USP43: variants seen among roughly 807,000 people sequenced by gnomAD.
The protein encoded by USP43 is ubiquitin specific peptidase 43.
USP43 carries 33 observed loss-of-function variants against 90.7 expected under a neutral mutation model. The ratio of observed to expected loss-of-function variants is 0.36; its 90% CI spans 0.28 to 0.49. The LOEUF is 0.49. Among genes scored for constraint, USP43 ranks in the 20% least tolerant of loss-of-function variants. The pLI, the probability that USP43 is intolerant of heterozygous loss-of-function variation, is 0.98. For missense variants in USP43, 1,274 were observed against 1,476.4 expected (o/e 0.86, Z 2.25); for synonymous variants, 598 against 615.8 (o/e 0.97, Z 0.43).
intron 8 of USP43, among the ~76,000 whole-genome samples, chr17:9,690,839 C>T (rs1391218111): frequency 3.9e-5 from 6 of 152,138 alleles, no homozygotes; most frequent in South Asian, 2.1e-4. Flanking sequence ...GAGCCGAGAT[C>T]GCACCACTGC....
At chr17:9,684,704 G>A (rs192989298) in intron 7 of USP43, among the ~76,000 whole-genome samples, 88 of 150,094 alleles carry the variant, frequency 5.9e-4, no homozygotes, top group Admixed American at 4.8e-3. Flanking sequence ...CGGAGGTTGC[G>A]GTGAGCCGAG....
intron 5 of USP43, among the ~76,000 whole-genome samples, chr17:9,679,968 T>G (rs2073307791): frequency 6.6e-6 from 1 of 152,172 alleles, no homozygotes. Flanking sequence ...GGGCTTTATT[T>G]TGTTGTCATT....
intron 14 of USP43, 143 bp downstream of exon 14, chr17:9,712,275 T>A (rs1296876776): frequency 4.7e-6 from 5 of 1,070,268 alleles, no homozygotes; most frequent in Non-Finnish European, 6.2e-6. Context: ...TTAAATGGGG[T>A]CTTCTATGAC....
rs189602454 is a variant in USP43 at position 9,702,298 on chromosome 17, C to A, written c.2011+598C>A. On this transcript the variant is annotated intron_variant, in intron 12 of 14. Coordinates refer to ENST00000285199, the MANE Select transcript of USP43 (RefSeq NM_153210.5). ...ATAGGAGGCTGAGGCCGTGGTGAAC[C>A]ATGATTGCACCACTGTACTCCAGCC... 3.5e-3 allele frequency among the ~76,000 whole-genome samples: 535 copies of A among 152,272 alleles called. 2 individuals are homozygous for A. Among genetic ancestry groups the A allele is most frequent in the African/African-American group, 0.012 (489 of 41,548 alleles).
In USP43 at chr17:9,646,157, G is replaced by C. The variant is rs1348623053; in HGVS notation, c.504+21G>C. 2.1e-6 allele frequency: 3 copies of C among 1,407,612 alleles called. No homozygotes were observed. In the African/African-American group the frequency reaches 4.6e-5, roughly 21 times the overall value. 87.2% of individuals were successfully genotyped at this position (1,407,612 alleles called of 1,614,324 possible). On this transcript the variant is annotated intron_variant, in intron 1 of 14. Coordinates refer to ENST00000285199, the MANE Select transcript of USP43 (RefSeq NM_153210.5). ...TCAAGGTAGGCAGCGCTGCGCCGCCGACCGCCCTGTCCCCCTGGTTTCGCC... is the reference window on the plus strand; with the variant it reads ...TCAAGGTAGGCAGCGCTGCGCCGCCCACCGCCCTGTCCCCCTGGTTTCGCC...
chr17:9,670,185 T>A (rs1040851374), intron 3 of USP43, among the ~76,000 whole-genome samples: 8 of 151,942 alleles, frequency 5.3e-5, no homozygotes, highest in African/African-American at 1.9e-4. Flanking sequence ...ACTACAGGCG[T>A]GTGCCACCAT....
In USP43 at chr17:9,646,034, C is replaced by T; in HGVS notation, c.402C>T (p.Tyr134=). ...CCGAGTTCCTGGCGCTGGGGCGCTA[C>T]CGGGCGGCTCCGGGCCGCGCCGAGG... ...LLAEFLALGR[Y]RAAPGRAEVT... The change falls in exon 1 of 15, where the codon TAC becomes TAT. Residue 134 remains tyrosine (Y), a synonymous_variant. Transcript: ENST00000285199. 1 of 1,490,454 alleles carries T rather than the reference C, an allele frequency of 6.7e-7. No individual in the cohort carries two copies. The highest frequency in any genetic ancestry group is 8.9e-7 in the Non-Finnish European group (1 of 1,122,048). 92.3% of individuals were successfully genotyped at this position (1,490,454 alleles called of 1,614,324 possible).
chr17:9,705,560 G>T (rs1287087688), intron 12 of USP43, among the ~76,000 whole-genome samples: 1 of 151,788 alleles, frequency 6.6e-6, no homozygotes, highest in Non-Finnish European at 1.5e-5. Context: ...TTCAAGACCA[G>T]CCTGGCCAAC....
chr17:9,701,134 C>T lies in USP43; in HGVS notation c.1551C>T (p.Leu517=), dbSNP rs370911480. The change falls in exon 11 of 15, where the codon CTC becomes CTT. Residue 517 remains leucine, a synonymous_variant. Coordinates refer to ENST00000285199, the MANE Select transcript of USP43 (RefSeq NM_153210.5). This position sits in a 1 kb window ranked among gnomAD's most constrained non-coding sequence, Gnocchi z 7.2. ...CTCCGTGCAGCCTGTTCGGGAGCCTCCAGGAGGAGCGAGCGCAGGATGCCG... is the reference window on the plus strand; with the variant it reads ...CTCCGTGCAGCCTGTTCGGGAGCCTTCAGGAGGAGCGAGCGCAGGATGCCG... ...SSVKERLFGS[L]QEERAQDADS... 66 of 1,484,084 alleles carry T rather than the reference C, an allele frequency of 4.4e-5. No individual in the cohort carries two copies. Among genetic ancestry groups the T allele is most frequent in the Middle Eastern group, 1.8e-4 (1 of 5,624 alleles). The allele number at this position is 1,484,084 out of a possible 1,614,324, so 91.9% of individuals were successfully genotyped here.
At chr17:9,653,432 T>A (rs1446435977) in intron 1 of USP43, among the ~76,000 whole-genome samples, 1 of 151,772 alleles carries the variant, frequency 6.6e-6, no homozygotes, top group Non-Finnish European at 1.5e-5. Context: ...TACTAAAAAT[T>A]CAAAAATTAG....
rs1489063798 is a variant in USP43 at position 9,673,104 on chromosome 17, TA to T, written c.741-1786del. 2.6e-5 allele frequency among the ~76,000 whole-genome samples: 4 copies of T among 152,342 alleles called. No homozygotes were observed. The South Asian group carries it at 8.3e-4, about 32-fold the overall frequency. On this transcript the variant is annotated intron_variant, in intron 3 of 14. Coordinates refer to ENST00000285199, the MANE Select transcript of USP43 (RefSeq NM_153210.5). ...TTCTGTGTCCTCAGCGAAGTTAATGTAGATTTTAGGATTAGTAACATAGCAT... is the reference window on the plus strand; with the variant it reads ...TTCTGTGTCCTCAGCGAAGTTAATGTGATTTTAGGATTAGTAACATAGCAT...
chr17:9,716,589 G>A (rs1318602910), intron 14 of USP43, among the ~76,000 whole-genome samples: 1 of 152,170 alleles, frequency 6.6e-6, no homozygotes, highest in Non-Finnish European at 1.5e-5. Flanking sequence ...AAGAGGGGGT[G>A]CAGGGTGAGG....
intron 3 of USP43, among the ~76,000 whole-genome samples, chr17:9,669,002 A>AT (rs763089436): frequency 5.9e-4 from 85 of 144,876 alleles, no homozygotes; most frequent in Middle Eastern, 7.2e-3. Flanking sequence ...TGCCTGGCTA[A>AT]TTTTTTTTTT....
intron 14 of USP43, among the ~76,000 whole-genome samples, chr17:9,719,604 GC>G (rs1238112256): frequency 3.9e-5 from 6 of 152,218 alleles, no homozygotes; most frequent in Non-Finnish European, 5.9e-5. Flanking sequence ...CCCTCTGGGT[GC>G]CAGGTCTTGG....
In USP43 at chr17:9,686,906, A is replaced by T. The variant is rs116247935; in HGVS notation, c.1350A>T (p.Val450=). The change falls in exon 8 of 15, where the codon GTA becomes GTT. Residue 450 remains valine (V), a synonymous_variant. Coordinates refer to ENST00000285199, the MANE Select transcript of USP43 (RefSeq NM_153210.5). The surrounding 1 kb of genome is among the most constrained non-coding windows in gnomAD (Gnocchi z 5.5). ...ATCTTATGAAGAGTGAGGCCCCTGT[A>T]CAGGTCAGTGGTGTGCATGCGTGTG... ...VRHLMKSEAP[V]QNLGSLFSIR... 3.5e-3 allele frequency: 5,657 copies of T among 1,612,960 alleles called. 169 individuals carry two copies. In the African/African-American group the frequency reaches 0.065, roughly 19 times the overall value.
chr17:9,687,981 T>G (rs985016633), intron 8 of USP43, among the ~76,000 whole-genome samples: 15 of 152,172 alleles, frequency 9.9e-5, no homozygotes, highest in Non-Finnish European at 1.6e-4. Flanking sequence ...ACTATGCTTT[T>G]TTTGTTTGTT....
intron 1 of USP43, among the ~76,000 whole-genome samples, 169 bp from the exon 2 acceptor site, chr17:9,656,234 A>G (rs978758234): frequency 3.9e-5 from 6 of 152,174 alleles, no homozygotes; most frequent in East Asian, 3.9e-4. Context: ...ACATTGCCCC[A>G]AAAGGACGGG....
chr17:9,671,299 T>TGTGC (rs1555548627), intron 3 of USP43, among the ~76,000 whole-genome samples: 4 of 151,148 alleles, frequency 2.6e-5, no homozygotes, highest in African/African-American at 9.7e-5. Flanking sequence ...TGTGTGTGTG[T>TGTGC]GCACAAATTC....
rs1369306395 is a variant in USP43, at chr17:9,728,575, C to G, written c.2957C>G (p.Ser986Cys). The change falls in exon 15 of 15, where the codon TCT becomes TGT. Residue 986 changes from serine to cysteine, a missense_variant. Ser to Cys is a moderately radical substitution (Grantham distance 112). Transcript: ENST00000285199. The surrounding 1 kb of genome is among the most constrained non-coding windows in gnomAD (Gnocchi z 6.2). ...GNSKDSRRGT[S>C]ELDRPLQGTL... ...AGCAAAGACAGTCGCCGAGGCACCTCTGAGCTAGACAGACCCCTGCAGGGG... is the reference window on the plus strand; with the variant it reads ...AGCAAAGACAGTCGCCGAGGCACCTGTGAGCTAGACAGACCCCTGCAGGGG... 1.9e-6 allele frequency: 3 copies of G among 1,614,020 alleles called. No individual in the cohort carries two copies. The highest frequency in any genetic ancestry group is 2.2e-5 in the South Asian group (2 of 91,082).
Sources: gnomAD v4.1 joint callset for allele counts (sites outside exome capture counted in the v4.1 genomes callset) on GRCh38, gnomAD v4.1.1 for gene constraint, Gnocchi (gnomAD v3.1) non-coding constraint, MANE v1.5 for transcripts, NCBI Gene and HGNC (gene_info 2026-07-23, HGNC 2026-07-21) for gene names.